The following LIN9 variants were observed in gnomAD, a reference collection of about 807,000 sequenced individuals.
LIN9 encodes the protein lin-9 DREAM MuvB core complex component.
In LIN9, 18 loss-of-function variants were observed where a neutral mutation model predicts 78.0. The observed-to-expected ratio is 0.23, with a 90% CI of 0.16 to 0.34. LIN9 has a LOEUF of 0.34. Among genes scored for constraint, LIN9 ranks in the 10% least tolerant of loss-of-function variants. LIN9 has a pLI of 1.00. For synonymous variants in LIN9, 192 were observed against 215.2 expected (o/e 0.89, Z 0.94); for missense variants, 451 against 644.1 (o/e 0.70, Z 3.25).
At chr1:226,279,228 A>G (rs894945315) in intron 6 of LIN9, among the ~76,000 whole-genome samples, 1 of 152,062 alleles carries the variant, frequency 6.6e-6, no homozygotes, top group East Asian at 1.9e-4. Flanking sequence ...GGCACTTTGT[A>G]GTCCGAGGTG....
At chr1:226,238,357 C>T (rs1488490601) in intron 12 of LIN9, among the ~76,000 whole-genome samples, 1 of 152,150 alleles carries the variant, frequency 6.6e-6, no homozygotes, top group Non-Finnish European at 1.5e-5. Context: ...TGGGGCTGGG[C>T]ACAGTGGCTC....
At chr1:226,249,173 C>A (rs1658669851) in intron 11 of LIN9, among the ~76,000 whole-genome samples, 1 of 151,776 alleles carries the variant, frequency 6.6e-6, no homozygotes. Context: ...GATAAGGTGA[C>A]CAGAGAAAAA....
rs760707616 is a variant in LIN9 at position 226,287,657 on chromosome 1, T to C, written c.398+7A>G. 1 of 1,522,338 alleles carries C rather than the reference T, an allele frequency of 6.6e-7. No individual in the cohort carries two copies. Among genetic ancestry groups the C allele is most frequent in the South Asian group, 1.2e-5 (1 of 81,384 alleles). The allele number at this position is 1,522,338 out of a possible 1,614,324, so 94.3% of individuals were successfully genotyped here. On this transcript the variant is annotated splice_region_variant and intron_variant, in intron 5 of 14. Transcript: ENST00000681046. ...GTAATATTCATAATATAAGCCATGA[T>C]ACATACTTATCTATATTTGAATAGA...
chr1:226,301,570 G>A (rs1414032122), intron 1 of LIN9, among the ~76,000 whole-genome samples: 1 of 152,164 alleles, frequency 6.6e-6, no homozygotes, highest in Non-Finnish European at 1.5e-5. Flanking sequence ...CATCCATTGA[G>A]GCAAAGACTG....
chr1:226,302,857 G>A (rs1182320122), intron 1 of LIN9, among the ~76,000 whole-genome samples: 1 of 152,196 alleles, frequency 6.6e-6, no homozygotes, highest in African/African-American at 2.4e-5. Flanking sequence ...CTTCATCTCA[G>A]ATCCTTAAAC....
chr1:226,269,960 G>A (rs191831020), intron 7 of LIN9, among the ~76,000 whole-genome samples: 19 of 152,102 alleles, frequency 1.2e-4, no homozygotes, highest in East Asian at 1.9e-4. Flanking sequence ...GTCTCGCTCC[G>A]TTGCCCAGGA....
At chr1:226,298,397 AG>A (rs2102664398) in intron 2 of LIN9, among the ~76,000 whole-genome samples, 1 of 152,212 alleles carries the variant, frequency 6.6e-6, no homozygotes, top group South Asian at 2.1e-4. Context: ...TAGTAGAGAC[AG>A]GGTTTCTCCA....
intron 12 of LIN9, 86 bp downstream of exon 12, chr1:226,238,885 G>A: frequency 7.4e-7 from 1 of 1,345,772 alleles, no homozygotes; most frequent in Non-Finnish European, 1.0e-6. Flanking sequence ...GAAGATATTG[G>A]CTTGGTATGG....
chr1:226,292,698 C>T (rs190229914), intron 4 of LIN9, among the ~76,000 whole-genome samples: 28 of 152,238 alleles, frequency 1.8e-4, no homozygotes, highest in East Asian at 9.7e-4. Context: ...TGAGCTCAAG[C>T]GATCCTCCCA....
chr1:226,262,600 A>C (rs1380331107), intron 10 of LIN9, among the ~76,000 whole-genome samples: 1 of 152,226 alleles, frequency 6.6e-6, no homozygotes. Context: ...CAACAAACCT[A>C]TTAGAATGGC....
chr1:226,249,669 A>T (rs1327541746), intron 11 of LIN9, among the ~76,000 whole-genome samples: 1 of 152,196 alleles, frequency 6.6e-6, no homozygotes. Context: ...CACTTACAAC[A>T]GACACTGATC....
At chr1:226,302,733 G>A (rs1662641310) in intron 1 of LIN9, among the ~76,000 whole-genome samples, 1 of 152,110 alleles carries the variant, frequency 6.6e-6, no homozygotes, top group Admixed American at 6.6e-5. Context: ...AATCAGAGAG[G>A]ACGGATTAAT....
At chr1:226,306,964 G>A (rs1408742347) in intron 1 of LIN9, among the ~76,000 whole-genome samples, 2 of 152,106 alleles carry the variant, frequency 1.3e-5, no homozygotes, top group Non-Finnish European at 2.9e-5. Context: ...CAAGACATAC[G>A]CTTCACAAAT....
At position 226,255,225 on chromosome 1, in the gene LIN9, T is replaced by TA. The variant is rs1195965144; in HGVS notation, c.1039-4307dup. On this transcript the variant is annotated intron_variant, in intron 10 of 14. Coordinates refer to ENST00000681046, the MANE Select transcript of LIN9 (RefSeq NM_001366245.2). ...TGGTTCTTAGTGAATACTGCAGAAATACTCCCTCTTGCTTCCTGCAAGGGG... is the reference window on the plus strand; with the variant it reads ...TGGTTCTTAGTGAATACTGCAGAAATAACTCCCTCTTGCTTCCTGCAAGGGG... Among the ~76,000 whole-genome samples the TA allele has an allele frequency of 5.3e-5, 8 of 152,282 alleles. No homozygotes were observed. In the East Asian group the frequency reaches 1.5e-3, roughly 29 times the overall value.
chr1:226,235,952 G>A (rs1234129550), intron 12 of LIN9, among the ~76,000 whole-genome samples: 1 of 151,956 alleles, frequency 6.6e-6, no homozygotes, highest in Non-Finnish European at 1.5e-5. Flanking sequence ...TTTGGAATAT[G>A]TATGTGTATT....
At chr1:226,264,466 G>T (rs1659791370) in intron 10 of LIN9, among the ~76,000 whole-genome samples, 1 of 152,090 alleles carries the variant, frequency 6.6e-6, no homozygotes, top group South Asian at 2.1e-4. Flanking sequence ...ACACACAACT[G>T]ACAAGACCTT....
chr1:226,244,540 T>C (rs1275156454), intron 11 of LIN9, among the ~76,000 whole-genome samples: 1 of 152,150 alleles, frequency 6.6e-6, no homozygotes, highest in Non-Finnish European at 1.5e-5. Flanking sequence ...TACATTCTGA[T>C]AAAAAACCAG....
intron 6 of LIN9, among the ~76,000 whole-genome samples, chr1:226,285,941 T>C (rs1661358610): frequency 6.6e-6 from 1 of 152,118 alleles, no homozygotes; most frequent in Non-Finnish European, 1.5e-5. Flanking sequence ...AAAAATGAAA[T>C]TGTGCATTTA....
At chr1:226,233,800 T>C (rs1169485066) in intron 12 of LIN9, among the ~76,000 whole-genome samples, 2 of 152,236 alleles carry the variant, frequency 1.3e-5, no homozygotes, top group Non-Finnish European at 2.9e-5. Flanking sequence ...GTTTATGTTT[T>C]ACTACATTTG....
Sources: allele counts gnomAD v4.1 joint callset (sites outside exome capture counted in the v4.1 genomes callset), GRCh38; gene constraint gnomAD v4.1.1; transcripts MANE v1.5; gene names NCBI Gene and HGNC (gene_info 2026-07-23, HGNC 2026-07-21).